Variants in GLCCI1 observed in about 807,000 individuals in gnomAD.
GLCCI1 encodes the protein glucocorticoid induced 1, also known as glucocorticoid-induced transcript 1 protein.
Under a neutral mutation model 52.2 loss-of-function variants are expected in GLCCI1, and 24 were observed. The ratio of observed to expected loss-of-function variants is 0.46; its 90% CI spans 0.33 to 0.65. The LOEUF (loss-of-function observed/expected upper bound fraction) is 0.65, where lower values mean the gene tolerates loss of function less well. GLCCI1 is among the 30% of genes least tolerant of loss of function. GLCCI1 has a pLI of 0.02. For synonymous variants in GLCCI1, 310 were observed against 276.5 expected, an observed-to-expected ratio of 1.12 and a Z score of -1.20; for missense variants, 704 against 701.5, an observed-to-expected ratio of 1.00 and a Z score of -0.04.
intron 1 of GLCCI1, among the ~76,000 whole-genome samples, chr7:7,984,708 C>G (rs1223494084): frequency 8.5e-5 from 13 of 152,174 alleles, no homozygotes; most frequent in African/African-American, 3.1e-4. Flanking sequence ...AGTGTAATTT[C>G]TCATTGCTGA....
chr7:7,994,886 ACACT>A (rs1359322962), intron 1 of GLCCI1, among the ~76,000 whole-genome samples: 2 of 152,152 alleles, frequency 1.3e-5, no homozygotes, highest in African/African-American at 2.4e-5. Context: ...AAACACACAC[ACACT>A]CACACACTCT....
At chr7:7,991,198 C>T (rs1193322318) in intron 1 of GLCCI1, among the ~76,000 whole-genome samples, 8 of 152,006 alleles carry the variant, frequency 5.3e-5, no homozygotes, top group East Asian at 3.8e-4. Context: ...TAGACAGTTA[C>T]GAGCTAATTT....
At chr7:8,009,905 TG>T (rs947546282) in intron 2 of GLCCI1, among the ~76,000 whole-genome samples, 2 of 144,958 alleles carry the variant, frequency 1.4e-5, no homozygotes, top group African/African-American at 2.7e-5. Context: ...CAAAATAGAA[TG>T]AAAAAAAAAA....
At chr7:8,062,343 A>G (rs909764055) in intron 5 of GLCCI1, among the ~76,000 whole-genome samples, 7 of 152,206 alleles carry the variant, frequency 4.6e-5, no homozygotes, top group African/African-American at 9.7e-5. Context: ...TAACCAGACA[A>G]TTTGTTCACT....
Position 7,969,664 on chromosome 7 carries a change from G to C in GLCCI1, c.314G>C (p.Ser105Thr). ...GGGCCCGGCGCGGCCCGCGGCCCCA[G>C]CCCGTCCAGCCCGACGCCGCCGGCG... is the stretch of plus-strand genomic sequence containing the variant. ...LPGPGAARGPSPSSPTPPAAA... is the reference protein window; with the variant it reads ...LPGPGAARGPTPSSPTPPAAA... The change falls in exon 1 of 8, where the codon AGC becomes ACC. Residue 105 changes from serine (S) to threonine (T), a missense_variant. Ser to Thr is a moderately conservative substitution (Grantham distance 58). Coordinates refer to ENST00000223145, the MANE Select transcript of GLCCI1 (RefSeq NM_138426.4). This position sits in a 1 kb window ranked among gnomAD's most constrained non-coding sequence, Gnocchi z 4.9. The C allele has an allele frequency of 9.4e-7, 1 of 1,059,432 alleles. No individual in the cohort carries two copies. The highest frequency in any genetic ancestry group is 9.6e-5 in the East Asian group (1 of 10,392). 65.6% of individuals were successfully genotyped at this position (1,059,432 alleles called of 1,614,324 possible). A position where few individuals can be genotyped will look rare whatever the true frequency, so the allele number is the denominator to read the frequency against.
intron 5 of GLCCI1, among the ~76,000 whole-genome samples, chr7:8,061,497 G>T (rs1259220190): frequency 6.6e-6 from 1 of 152,066 alleles, no homozygotes; most frequent in Non-Finnish European, 1.5e-5. Context: ...CATAGCATTT[G>T]TACATTTAAA....
At chr7:8,022,707 A>G (rs1781520979) in intron 3 of GLCCI1, 138 bp downstream of exon 3, 1 of 357,484 alleles carries the variant, frequency 2.8e-6, no homozygotes. Context: ...TTCTAGGGTA[A>G]GGTTAGAATA....
chr7:7,984,807 G>C (rs149763819), intron 1 of GLCCI1, among the ~76,000 whole-genome samples: 242 of 152,216 alleles, frequency 1.6e-3, no homozygotes, highest in Non-Finnish European at 2.8e-3. Flanking sequence ...TTCCCTTTCT[G>C]TCTGAGTTTT....
At chr7:8,006,055 C>T (rs1781142322) in intron 2 of GLCCI1, among the ~76,000 whole-genome samples, 1 of 152,174 alleles carries the variant, frequency 6.6e-6, no homozygotes. Context: ...GTCTTAGCCT[C>T]CCAAAGTGCT....
intron 3 of GLCCI1, among the ~76,000 whole-genome samples, chr7:8,041,103 A>C (rs1047555488): frequency 1.3e-5 from 2 of 152,236 alleles, no homozygotes; most frequent in African/African-American, 4.8e-5. Flanking sequence ...AAAGGTCTTG[A>C]AGGAAATAAA....
chr7:8,053,323 T>TTTTGTTTG (rs1554262341), intron 3 of GLCCI1, among the ~76,000 whole-genome samples: 1 of 136,146 alleles, frequency 7.3e-6, no homozygotes, highest in African/African-American at 2.9e-5. Flanking sequence ...TCGTTTTTTT[T>TTTTGTTTG]TTTGTTTGTT....
intron 1 of GLCCI1, among the ~76,000 whole-genome samples, chr7:7,992,835 C>T (rs927305421): frequency 6.6e-6 from 1 of 151,808 alleles, no homozygotes; most frequent in African/African-American, 2.4e-5. Flanking sequence ...TGTGTTTATT[C>T]ATTCTTGTGT....
rs759778884 is a variant in GLCCI1, at chr7:8,086,433, G to C, written c.1539G>C (p.Ala513=). ...CTCTTTCTGATGACACCAGCACAGC[G>C]GGCTCCATGGAGGCCTCTGTCCAGC... ...FTSLSDDTST[A]GSMEASVQQP... Residue 513 remains alanine, a synonymous_variant, in exon 8 of 8, where the codon GCG becomes GCC. Coordinates refer to ENST00000223145, the MANE Select transcript of GLCCI1 (RefSeq NM_138426.4). The surrounding 1 kb of genome is among the most constrained non-coding windows in gnomAD (Gnocchi z 4.4). 2.5e-6 allele frequency: 4 copies of C among 1,614,044 alleles called. No individual in the cohort carries two copies. In the South Asian group the frequency reaches 3.3e-5, roughly 13 times the overall value.
chr7:7,980,477 T>C (rs1427230639), intron 1 of GLCCI1: 1 of 320,398 alleles, frequency 3.1e-6, no homozygotes, highest in Non-Finnish European at 5.6e-6. Flanking sequence ...TTTAATTTCT[T>C]GAGATATTAC....
At chr7:8,016,681 C>T (rs1781388800) in intron 2 of GLCCI1, among the ~76,000 whole-genome samples, 1 of 152,096 alleles carries the variant, frequency 6.6e-6, no homozygotes, top group African/African-American at 2.4e-5. Context: ...GGAATTCTAA[C>T]AGCTTTTGGG....
chr7:7,971,993 T>A (rs567773317), intron 1 of GLCCI1, among the ~76,000 whole-genome samples: 3 of 152,328 alleles, frequency 2.0e-5, no homozygotes, highest in African/African-American at 7.2e-5. Context: ...TCCGTGATTA[T>A]ATTACTCCTA....
At chr7:8,034,386 T>C (rs1781820641) in intron 3 of GLCCI1, among the ~76,000 whole-genome samples, 1 of 151,988 alleles carries the variant, frequency 6.6e-6, no homozygotes, top group African/African-American at 2.4e-5. Flanking sequence ...TTCAATAAAA[T>C]TAACACTTAT....
intron 1 of GLCCI1, among the ~76,000 whole-genome samples, chr7:7,978,674 T>A (rs894905040): frequency 6.6e-6 from 1 of 152,150 alleles, no homozygotes; most frequent in Non-Finnish European, 1.5e-5. Context: ...ATGGATAAAG[T>A]TTCTCATAAC....
chr7:7,974,765 G>A (rs1780427988), intron 1 of GLCCI1, among the ~76,000 whole-genome samples: 1 of 152,106 alleles, frequency 6.6e-6, no homozygotes, highest in African/African-American at 2.4e-5. Flanking sequence ...TAATGACTTA[G>A]TTCTTCTTAA....
Sources: allele counts gnomAD v4.1 joint callset (sites outside exome capture counted in the v4.1 genomes callset), GRCh38; gene constraint gnomAD v4.1.1; non-coding constraint Gnocchi (gnomAD v3.1); transcripts MANE v1.5; gene names NCBI Gene and HGNC (gene_info 2026-07-23, HGNC 2026-07-21).